The following MTTP variants were observed in gnomAD, a reference collection of about 807,000 sequenced individuals.
MTTP encodes the protein microsomal triglyceride transfer protein.
Under a neutral mutation model 90.6 loss-of-function variants are expected in MTTP, and 49 were observed. The observed-to-expected ratio is 0.54, with a 90% confidence interval of 0.43 to 0.69. The LOEUF is 0.69. MTTP is among the 30% of genes least tolerant of loss of function. The probability of loss-of-function intolerance (pLI) is 0.00; values close to 1 mark genes in which losing one functional copy is unlikely to be tolerated. For missense variants in MTTP, 945 were observed against 1,067.5 expected (o/e 0.89, Z 1.60); for synonymous variants, 347 against 384.2 (o/e 0.90, Z 1.13).
chr4:99,618,975 A>T lies in MTTP; in HGVS notation c.2219A>T (p.Glu740Val), dbSNP rs1256701779. Residue 740 changes from glutamate (E) to valine (V), a missense_variant and splice_region_variant, in exon 16 of 18, where the codon GAA becomes GTA. By Grantham distance (121) the Glu-to-Val change is moderately radical. Transcript: ENST00000265517. ...TATTATTATGCTTTTTTCTTCTAGGAACTTCAGTTACAATCTGGACTAAAA... is the reference window on the plus strand; with the variant it reads ...TATTATTATGCTTTTTTCTTCTAGGTACTTCAGTTACAATCTGGACTAAAA... The part of the protein sequence containing the change: ...GLILLIDHSQ[E>V]LQLQSGLKAN... The T allele has an allele frequency of 6.2e-7, 1 of 1,611,636 alleles. No homozygotes were observed. Among genetic ancestry groups the T allele is most frequent in the South Asian group, 1.1e-5 (1 of 91,006 alleles).
At chr4:99,622,303 T>G (rs1726256174) in intron 17 of MTTP, among the ~76,000 whole-genome samples, 1 of 152,206 alleles carries the variant, frequency 6.6e-6, no homozygotes, top group South Asian at 2.1e-4. Flanking sequence ...CCGCATTCTC[T>G]GCTTAAATCC....
Position 99,612,966 on chromosome 4 carries a change from G to A in MTTP, c.2043G>A (p.Glu681=), listed in dbSNP as rs145444300. The A allele has an allele frequency of 7.3e-4, 1,179 of 1,614,060 alleles. 4 individuals carry two copies. In the African/African-American group the frequency reaches 0.012, roughly 16 times the overall value. ...CCTTAATCGCAGCCACCCCTGACGAGGGGGAGGAGAACCTTGACTCCTATG... is the reference window on the plus strand; with the variant it reads ...CCTTAATCGCAGCCACCCCTGACGAAGGGGAGGAGAACCTTGACTCCTATG... The part of the protein sequence containing the change: ...LEALIAATPD[E]GEENLDSYAG... Residue 681 remains glutamate, a synonymous_variant, in exon 15 of 18, where the codon GAG becomes GAA. Coordinates refer to ENST00000265517, the MANE Select transcript of MTTP (RefSeq NM_001386140.1).
chr4:99,588,010 A>G (rs17533020), intron 3 of MTTP, among the ~76,000 whole-genome samples: 15,886 of 152,210 alleles, frequency 0.1, 998 homozygotes, highest in Middle Eastern at 0.2. Flanking sequence ...CAACATTTAT[A>G]GGTTAGTCCA....
chr4:99,582,148 G>A (rs773117152), intron 2 of MTTP, 56 bp downstream of exon 2: 14 of 1,568,994 alleles, frequency 8.9e-6, no homozygotes, highest in Non-Finnish European at 1.2e-5. Flanking sequence ...TTTTTGAGAA[G>A]TGTACCATTG....
Position 99,623,034 on chromosome 4 carries a change from C to A in MTTP, c.*186C>A, listed in dbSNP as rs1056525734. ...ATATGCAGTATGCTACCCACAGCGT[C>A]ATTTTGAATCATCATGTGACGCTTT... On this transcript the variant is annotated 3_prime_UTR_variant, in exon 18 of 18. Transcript: ENST00000265517. 5 of 633,902 alleles carry A rather than the reference C, an allele frequency of 7.9e-6. No homozygotes were observed. The highest frequency in any genetic ancestry group is 1.4e-5 in the Non-Finnish European group (5 of 357,028). The allele number at this position is 633,902 out of a possible 1,614,324, so 39.3% of individuals were successfully genotyped here. A position where few individuals can be genotyped will look rare whatever the true frequency, so the allele number is the denominator to read the frequency against.
chr4:99,589,200 C>G (rs1725352320), intron 3 of MTTP, among the ~76,000 whole-genome samples: 1 of 149,692 alleles, frequency 6.7e-6, no homozygotes, highest in Non-Finnish European at 1.5e-5. Context: ...GCTGTGCCAT[C>G]TCAGGAATCT....
intron 16 of MTTP, 129 bp downstream of exon 16, chr4:99,619,227 C>T (rs759000924): frequency 3.8e-5 from 35 of 923,878 alleles, no homozygotes; most frequent in African/African-American, 6.6e-5. Context: ...AATTATAAAA[C>T]GATAGAGTTG....
chr4:99,600,028 T>C (rs1725656202), intron 8 of MTTP, among the ~76,000 whole-genome samples: 1 of 152,174 alleles, frequency 6.6e-6, no homozygotes. Flanking sequence ...TTCATTGTGG[T>C]TAAACATAGA....
chr4:99,610,691 A>G (rs995854977), intron 12 of MTTP, among the ~76,000 whole-genome samples: 9 of 152,186 alleles, frequency 5.9e-5, no homozygotes, highest in Admixed American at 5.9e-4. Flanking sequence ...ACAGATATAG[A>G]AGAAATACTG....
At chr4:99,595,836 T>C (rs1376617019) in intron 7 of MTTP, among the ~76,000 whole-genome samples, 5 of 152,066 alleles carry the variant, frequency 3.3e-5, no homozygotes, top group Non-Finnish European at 5.9e-5. Flanking sequence ...GGAAGGTGGC[T>C]AATAAAACTA....
In MTTP at chr4:99,621,752, T is replaced by A. The variant is rs555585905; in HGVS notation, c.2513+521T>A. Among the ~76,000 whole-genome samples the A allele has an allele frequency of 5.3e-5, 8 of 152,368 alleles. No homozygotes were observed. In the South Asian group the frequency reaches 1.7e-3, roughly 32 times the overall value. Reference sequence around the variant, plus strand: ...GATTCTGAATTTTTTTAAATAATGCTTTTGGTAAAATAGTTAGTGTTTTAA... The same window carrying A: ...GATTCTGAATTTTTTTAAATAATGCATTTGGTAAAATAGTTAGTGTTTTAA... On this transcript the variant is annotated intron_variant, in intron 17 of 17. Coordinates refer to ENST00000265517, the MANE Select transcript of MTTP (RefSeq NM_001386140.1).
intron 9 of MTTP, among the ~76,000 whole-genome samples, chr4:99,601,288 C>T (rs984413686): frequency 4.0e-5 from 6 of 149,462 alleles, no homozygotes; most frequent in Non-Finnish European, 7.4e-5. Context: ...CCCCTTTTTA[C>T]TCATACATAA....
At chr4:99,565,976 T>C (rs1560608553) in intron 1 of MTTP, among the ~76,000 whole-genome samples, 2 of 152,026 alleles carry the variant, frequency 1.3e-5, no homozygotes. Flanking sequence ...ACCGGGTCAT[T>C]TAGGGAATAC....
At chr4:99,609,252 G>A (rs1370333568) in intron 12 of MTTP, among the ~76,000 whole-genome samples, 2 of 152,112 alleles carry the variant, frequency 1.3e-5, no homozygotes, top group Non-Finnish European at 2.9e-5. Flanking sequence ...TGTTTTAAAA[G>A]CTAACTGCAT....
chr4:99,565,029 T>G (rs1724636958), intron 1 of MTTP, among the ~76,000 whole-genome samples: 1 of 152,198 alleles, frequency 6.6e-6, no homozygotes, highest in Non-Finnish European at 1.5e-5. Flanking sequence ...AACTGAGCAC[T>G]GGCAAAAAAG....
intron 1 of MTTP, among the ~76,000 whole-genome samples, chr4:99,576,724 A>G (rs1035136146): frequency 6.6e-6 from 1 of 151,192 alleles, no homozygotes; most frequent in African/African-American, 2.4e-5. Context: ...AAAAATTTAA[A>G]TATACACATA....
intron 1 of MTTP, among the ~76,000 whole-genome samples, chr4:99,579,982 G>A (rs1241165854): frequency 1.6e-4 from 23 of 147,002 alleles, no homozygotes; most frequent in African/African-American, 5.1e-4. Flanking sequence ...GTTGCAGTGA[G>A]CCGAGATCGC....
intron 11 of MTTP, among the ~76,000 whole-genome samples, chr4:99,608,262 T>G (rs1725867102): frequency 6.6e-6 from 1 of 151,936 alleles, no homozygotes; most frequent in Non-Finnish European, 1.5e-5. Flanking sequence ...CTGGCCAACA[T>G]AGTGAAACCC....
chr4:99,585,176 A>G (rs1180584270), intron 3 of MTTP, among the ~76,000 whole-genome samples: 1 of 152,140 alleles, frequency 6.6e-6, no homozygotes, highest in Admixed American at 6.6e-5. Flanking sequence ...TGTTTACTTA[A>G]TAATAGCTAA....
Sources: gnomAD v4.1 joint callset for allele counts (sites outside exome capture counted in the v4.1 genomes callset) on GRCh38, gnomAD v4.1.1 for gene constraint, MANE v1.5 for transcripts, NCBI Gene and HGNC (gene_info 2026-07-23, HGNC 2026-07-21) for gene names.